The following CAPG variants were observed in gnomAD, a reference collection of about 807,000 sequenced individuals.
CAPG encodes the protein macrophage-capping protein.
In CAPG, 32 loss-of-function variants were observed where a neutral mutation model predicts 44.6. The ratio of observed to expected loss-of-function variants is 0.72; its 90% CI spans 0.54 to 0.96. The LOEUF is 0.96. Ranked by LOEUF, CAPG falls within the 50% of genes least tolerant of loss-of-function variation. CAPG has a pLI of 0.00. For missense variants in CAPG, 412 were observed against 438.3 expected (o/e 0.94, Z 0.54); for synonymous variants, 175 against 179.6 (o/e 0.97, Z 0.20).
At position 85,401,700 on chromosome 2, in the gene CAPG, A is replaced by G; in HGVS notation, c.197-17T>C. On this transcript the variant is annotated splice_polypyrimidine_tract_variant and intron_variant, in intron 3 of 9. Transcript: ENST00000263867. ...ACTGCTGGCCTGGGACAAGTGGGAGAGGGCAGGGCAAGGCCCTTGTGATCC... is the reference window on the plus strand; with the variant it reads ...ACTGCTGGCCTGGGACAAGTGGGAGGGGGCAGGGCAAGGCCCTTGTGATCC... 1 of 1,613,862 alleles carries G rather than the reference A, an allele frequency of 6.2e-7. No homozygotes were observed. The highest frequency in any genetic ancestry group is 1.7e-4 in the Middle Eastern group (1 of 6,058).
chr2:85,394,311 G>C (rs1686486328), downstream of CAPG, among the ~76,000 whole-genome samples: 1 of 152,220 alleles, frequency 6.6e-6, no homozygotes, highest in South Asian at 2.1e-4. Flanking sequence ...AGTGGCCCTG[G>C]GCTCACCAGC....
At chr2:85,413,244 C>T (rs2104860397), upstream of CAPG, 1 of 152,374 alleles carries the variant, frequency 6.6e-6, no homozygotes, top group African/African-American at 2.4e-5. Context: ...TAAAGCCTCT[C>T]CTATCACCAC....
At chr2:85,397,587 C>G (rs1344660915) in intron 8 of CAPG, among the ~76,000 whole-genome samples, 1 of 152,124 alleles carries the variant, frequency 6.6e-6, no homozygotes, top group Non-Finnish European at 1.5e-5. Context: ...CCTGTACTCC[C>G]AGCTACTCGG....
intron 1 of CAPG, among the ~76,000 whole-genome samples, chr2:85,403,086 C>T (rs1686981203): frequency 6.6e-6 from 1 of 151,720 alleles, no homozygotes; most frequent in Admixed American, 6.6e-5. Flanking sequence ...TTTTTTTAAA[C>T]CGATAAAATT....
upstream of CAPG, among the ~76,000 whole-genome samples, chr2:85,414,573 G>T (rs1488109187): frequency 6.6e-6 from 1 of 150,868 alleles, no homozygotes; most frequent in Non-Finnish European, 1.5e-5. Flanking sequence ...GGGACTGCAG[G>T]CATATGCCAC....
upstream of CAPG, among the ~76,000 whole-genome samples, chr2:85,412,822 C>T (rs1687454160): frequency 6.6e-6 from 1 of 152,186 alleles, no homozygotes; most frequent in Non-Finnish European, 1.5e-5. Flanking sequence ...TGGCTCCTTA[C>T]TAGCTGTGCA....
In CAPG at chr2:85,400,341, G is replaced by A. The variant is rs368367063; in HGVS notation, c.516+824C>T. On this transcript the variant is annotated intron_variant, in intron 5 of 9. Coordinates refer to ENST00000263867, the MANE Select transcript of CAPG (RefSeq NM_001747.4). ...CTGTCACCTCTCCTTTTCTGGTAAT[G>A]GCGAGGTCTGTTCACCTGTCCCCTT... 7.0e-4 allele frequency among the ~76,000 whole-genome samples: 107 copies of A among 152,278 alleles called. 3 individuals carry two copies. The South Asian group carries it at 0.021, about 30-fold the overall frequency.
intron 8 of CAPG, among the ~76,000 whole-genome samples, chr2:85,397,596 G>A (rs1209086878): frequency 1.3e-5 from 2 of 152,074 alleles, no homozygotes; most frequent in South Asian, 4.1e-4. Context: ...CCAGCTACTC[G>A]GGAGGCTAAG....
chr2:85,415,863 T>G (rs1234172631), intron 1 of CAPG, among the ~76,000 whole-genome samples: 1 of 152,114 alleles, frequency 6.6e-6, no homozygotes, highest in East Asian at 1.9e-4. Flanking sequence ...TTTCTTTTTT[T>G]TTAAGAGACA....
At chr2:85,416,721 C>A (rs1027782167) in intron 1 of CAPG, among the ~76,000 whole-genome samples, 3 of 152,124 alleles carry the variant, frequency 2.0e-5, no homozygotes, top group Non-Finnish European at 4.4e-5. Context: ...ATCATTTCGG[C>A]CAGGCTAGTC....
chr2:85,393,285 C>T (rs1284109417), downstream of CAPG, among the ~76,000 whole-genome samples: 1 of 152,146 alleles, frequency 6.6e-6, no homozygotes, highest in East Asian at 1.9e-4. Context: ...GTCCGCCTGC[C>T]TCTGCCTCCC....
intron 1 of CAPG, among the ~76,000 whole-genome samples, chr2:85,406,744 G>C (rs1488858303): frequency 6.6e-6 from 1 of 151,884 alleles, no homozygotes; most frequent in Non-Finnish European, 1.5e-5. Context: ...TGTAATCCCA[G>C]CTATTCGGGA....
rs772127487 is a variant in CAPG, at chr2:85,398,103, C to T, written c.809G>A (p.Ser270Asn). 6.2e-7 allele frequency: 1 copy of T among 1,614,106 alleles called. No homozygotes were observed. The highest frequency in any genetic ancestry group is 1.1e-5 in the South Asian group (1 of 91,082). Residue 270 changes from serine (S) to asparagine (N), a missense_variant, in exon 8 of 10, where the codon AGC becomes AAC. By Grantham distance (46) the Ser-to-Asn change is conservative (BLOSUM62 1). Coordinates refer to ENST00000263867, the MANE Select transcript of CAPG (RefSeq NM_001747.4). ...TATCAGCAGTTCAAGGGCAAATGGGCTGGAGTCAGCCACCTTGGTCAGGTT... is the reference window on the plus strand; with the variant it reads ...TATCAGCAGTTCAAGGGCAAATGGGTTGGAGTCAGCCACCTTGGTCAGGTT... ...QMNLTKVADS[S>N]PFALELLISD...
At chr2:85,415,373 A>G (rs899045899) in intron 1 of CAPG, among the ~76,000 whole-genome samples, 2 of 152,248 alleles carry the variant, frequency 1.3e-5, no homozygotes, top group Admixed American at 6.5e-5. Context: ...GTGCCCAGGC[A>G]TAGTCCTTCC....
chr2:85,399,902 C>T (rs1233644765), intron 5 of CAPG, among the ~76,000 whole-genome samples: 2 of 151,922 alleles, frequency 1.3e-5, no homozygotes, highest in African/African-American at 2.4e-5. Context: ...CCACCAGGCC[C>T]GGCTAATTTT....
chr2:85,397,509 G>A (rs537492402), intron 8 of CAPG, among the ~76,000 whole-genome samples: 1 of 149,890 alleles, frequency 6.7e-6, no homozygotes, highest in South Asian at 2.1e-4. Flanking sequence ...AGAAGTTCGA[G>A]ACCAGCCTGG....
rs199588471 is a variant in CAPG, at chr2:85,399,219, G to A, written c.583C>T (p.Leu195=). 3.6e-5 allele frequency: 58 copies of A among 1,614,238 alleles called. No homozygotes were observed. In the Middle Eastern group the frequency reaches 3.6e-3, roughly 101 times the overall value. The stretch of plus-strand genomic sequence containing the variant: ...TGTCGCTCACTGTCCCGGATGGCCA[G>A]GGCCAGGTCCCTCGCCTTGTTGCGT... ...LERNKARDLA[L]AIRDSERQGK... is the part of the protein sequence containing the mutation. The change falls in exon 6 of 10, where the codon CTG becomes TTG. Residue 195 remains leucine (L), a synonymous_variant. Coordinates refer to ENST00000263867, the MANE Select transcript of CAPG (RefSeq NM_001747.4).
chr2:85,417,422 A>T (rs1687580414), intron 1 of CAPG, among the ~76,000 whole-genome samples: 2 of 149,912 alleles, frequency 1.3e-5, no homozygotes, highest in Admixed American at 6.6e-5. Context: ...CCCCACTATC[A>T]CCGCATGCTA....
chr2:85,398,554 A>G, intron 7 of CAPG, 136 bp downstream of exon 7: 4 of 719,846 alleles, frequency 5.6e-6, no homozygotes, highest in Non-Finnish European at 9.4e-6. Context: ...GCCCTGTATA[A>G]CTCCCCACCT....
Sources: allele counts gnomAD v4.1 joint callset (sites outside exome capture counted in the v4.1 genomes callset), GRCh38; gene constraint gnomAD v4.1.1; transcripts MANE v1.5; gene names NCBI Gene and HGNC (gene_info 2026-07-23, HGNC 2026-07-21).